The following IQSEC1 variants were observed in gnomAD, a reference collection of about 807,000 sequenced individuals.
IQSEC1 encodes IQ motif and SEC7 domain-containing protein 1.
IQSEC1 carries 31 observed loss-of-function variants against 91.0 expected under a neutral mutation model. That is an observed-to-expected ratio of 0.34 (90% CI 0.26 to 0.46). IQSEC1 has a LOEUF of 0.46. Ranked by LOEUF, IQSEC1 falls within the 20% of genes least tolerant of loss-of-function variation. The pLI is 1.00. For synonymous variants in IQSEC1, 699 were observed against 662.6 expected (o/e 1.05, Z -0.84); for missense variants, 1,388 against 1,575.6 (o/e 0.88, Z 2.02).
chr3:13,198,681 T>A (rs1470009889), intron 1 of IQSEC1, among the ~76,000 whole-genome samples: 1 of 152,312 alleles, frequency 6.6e-6, no homozygotes, highest in Admixed American at 6.5e-5. Flanking sequence ...CTGCGTCCTC[T>A]TACACACCAT....
intron 2 of IQSEC1, among the ~76,000 whole-genome samples, chr3:13,135,585 C>T (rs1199933036): frequency 1.3e-5 from 2 of 152,250 alleles, no homozygotes; most frequent in Non-Finnish European, 2.9e-5. Context: ...TCTCCCAGTT[C>T]CAGGCTTGAG....
intron 2 of IQSEC1, among the ~76,000 whole-genome samples, chr3:13,160,103 T>C (rs1250269643): frequency 1.3e-5 from 2 of 152,184 alleles, no homozygotes; most frequent in Non-Finnish European, 2.9e-5. Context: ...TATCTGATCT[T>C]GCAAATGTTT....
intron 2 of IQSEC1, among the ~76,000 whole-genome samples, chr3:13,125,200 A>C (rs6442350): frequency 0.38 from 58,383 of 152,034 alleles, 13,148 homozygotes; most frequent in African/African-American, 0.63. Flanking sequence ...GCAAACCCCC[A>C]GCTAGGGGCC....
chr3:13,045,651 T>C (rs1704466965), intron 1 of IQSEC1, among the ~76,000 whole-genome samples: 1 of 152,242 alleles, frequency 6.6e-6, no homozygotes, highest in Non-Finnish European at 1.5e-5. Context: ...ACTCCCTGCA[T>C]ACCAGAACTT....
At chr3:13,208,362 C>T (rs1449926019) in intron 1 of IQSEC1, among the ~76,000 whole-genome samples, 1 of 152,032 alleles carries the variant, frequency 6.6e-6, no homozygotes, top group Admixed American at 6.6e-5. Context: ...TTCTCCAGCC[C>T]CAGATCCCAG....
At chr3:13,198,182 A>G (rs1413177376) in intron 1 of IQSEC1, among the ~76,000 whole-genome samples, 2 of 152,084 alleles carry the variant, frequency 1.3e-5, no homozygotes, top group Non-Finnish European at 2.9e-5. Flanking sequence ...GGACCCCTAT[A>G]ATTTAGTCCT....
chr3:13,084,396 A>G lies in IQSEC1; in HGVS notation c.303-36874T>C, dbSNP rs866339430. Among the ~76,000 whole-genome samples the G allele has an allele frequency of 3.9e-5, 6 of 152,172 alleles. No homozygotes were observed. In the South Asian group the frequency reaches 6.2e-4, roughly 16 times the overall value. ...GCTCTTTCTGGCCTGGCAACATCCC[A>G]GGGGGTAGCCTGTTCATTCATTCAT... is the stretch of plus-strand genomic sequence containing the variant. On this transcript the variant is annotated intron_variant, in intron 2 of 15. Coordinates refer to the IQSEC1 transcript ENST00000648114.
intron 1 of IQSEC1, among the ~76,000 whole-genome samples, chr3:13,204,284 G>A (rs1029065980): frequency 4.6e-5 from 7 of 152,268 alleles, no homozygotes; most frequent in African/African-American, 1.7e-4. Context: ...CGCCAGGACG[G>A]GGGTGGATTC....
intron 1 of IQSEC1, among the ~76,000 whole-genome samples, chr3:13,172,400 T>C (rs138743356): frequency 6.6e-6 from 1 of 152,326 alleles, no homozygotes; most frequent in East Asian, 1.9e-4. Context: ...CACGTCGGCC[T>C]TCCTTAAACA....
At chr3:13,002,576 A>C (rs983554328) in intron 1 of IQSEC1, among the ~76,000 whole-genome samples, 8 of 151,476 alleles carry the variant, frequency 5.3e-5, no homozygotes, top group Non-Finnish European at 1.0e-4. Flanking sequence ...GAACTGAGAA[A>C]CTGAGAAAAT....
At chr3:12,977,367 C>T (rs180797002) in intron 1 of IQSEC1, among the ~76,000 whole-genome samples, 1 of 147,906 alleles carries the variant, frequency 6.8e-6, no homozygotes, top group African/African-American at 2.5e-5. Flanking sequence ...AAAAAAAAAG[C>T]GCTATCCCGT....
rs369727390 is a variant in IQSEC1 at position 13,214,873 on chromosome 3, C to A, written c.273-50740G>T. Among the ~76,000 whole-genome samples, 1 of 152,244 alleles carries A rather than the reference C, an allele frequency of 6.6e-6. No homozygotes were observed. The highest frequency in any genetic ancestry group is 2.4e-5 in the African/African-American group (1 of 41,460). On this transcript the variant is annotated intron_variant, in intron 1 of 15. Transcript: ENST00000648114. The surrounding 1 kb of genome is among the most constrained non-coding windows in gnomAD (Gnocchi z 4.5). ...GTTTGCAGCTGAGCGCCAGGACCGA[C>A]GTCGGGCTCTGCTGAGCACTAGCCG...
chr3:13,070,058 A>G lies in IQSEC1; in HGVS notation c.23+2934T>C, dbSNP rs184890619. 3.5e-4 allele frequency among the ~76,000 whole-genome samples: 52 copies of G among 149,428 alleles called. 1 individual carries two copies. The highest frequency in any genetic ancestry group is 1.2e-3 in the African/African-American group (49 of 40,938). ...TGCACACCAGGGGCCCAGAGAGTGG[A>G]AGTGGCGAAAATGGAGGCTAGGGAG... On this transcript the variant is annotated intron_variant, in intron 1 of 13. Coordinates refer to ENST00000613206, the MANE Select transcript of IQSEC1 (RefSeq NM_001134382.3).
chr3:12,953,319 TCCGGTTGC>T (rs368354122), intron 1 of IQSEC1, among the ~76,000 whole-genome samples: 22 of 152,324 alleles, frequency 1.4e-4, no homozygotes, highest in African/African-American at 5.3e-4. Flanking sequence ...AGGCTGATTG[TCCGGTTGC>T]CTCCAGAGAA....
chr3:12,995,846 C>T (rs1199005102), intron 1 of IQSEC1, among the ~76,000 whole-genome samples: 3 of 152,218 alleles, frequency 2.0e-5, no homozygotes, highest in Non-Finnish European at 4.4e-5. Context: ...CCCATCCCCA[C>T]TGCATATTCT....
chr3:12,902,131 G>A (rs180742515), intron 13 of IQSEC1, among the ~76,000 whole-genome samples: 103 of 152,222 alleles, frequency 6.8e-4, no homozygotes, highest in Non-Finnish European at 1.3e-3. Flanking sequence ...GGAAAAAGAA[G>A]GTAACAGAAA....
chr3:13,074,119 G>A (rs913955156), upstream of IQSEC1, among the ~76,000 whole-genome samples: 1 of 152,362 alleles, frequency 6.6e-6, no homozygotes, highest in East Asian at 1.9e-4. Context: ...AGGATTGCAC[G>A]TGGTGATAAG....
Position 13,073,103 on chromosome 3 carries a change from G to T in IQSEC1, c.-89C>A. The T allele has an allele frequency of 6.9e-7, 1 of 1,444,042 alleles. No homozygotes were observed. The highest frequency in any genetic ancestry group is 9.5e-7 in the Non-Finnish European group (1 of 1,052,408). The allele number at this position is 1,444,042 out of a possible 1,614,324, so 89.5% of individuals were successfully genotyped here. On this transcript the variant is annotated 5_prime_UTR_variant, in exon 1 of 14. Coordinates refer to ENST00000613206, the MANE Select transcript of IQSEC1 (RefSeq NM_001134382.3). ...CAAGAGGAGCAGGCGGCTCAGGCAAGAAGTGGAGGGGAATAAAATTAAATC... is the reference window on the plus strand; with the variant it reads ...CAAGAGGAGCAGGCGGCTCAGGCAATAAGTGGAGGGGAATAAAATTAAATC...
chr3:13,066,602 T>C (rs987688649), intron 1 of IQSEC1, among the ~76,000 whole-genome samples: 1 of 152,030 alleles, frequency 6.6e-6, no homozygotes, highest in Non-Finnish European at 1.5e-5. Context: ...AGTTGGAACG[T>C]TGTGGGATCG....
Sources: gnomAD v4.1 joint callset for allele counts (sites outside exome capture counted in the v4.1 genomes callset) on GRCh38, gnomAD v4.1.1 for gene constraint, Gnocchi (gnomAD v3.1) non-coding constraint, MANE v1.5 for transcripts, NCBI Gene and HGNC (gene_info 2026-07-23, HGNC 2026-07-21) for gene names.